ANK2: variants seen among roughly 807,000 people sequenced by gnomAD.
ANK2 encodes the protein ankyrin-2.
A neutral mutation model predicts 360.5 loss-of-function variants in ANK2; 83 were observed. The ratio of observed to expected loss-of-function variants is 0.23; its 90% CI spans 0.19 to 0.28. The LOEUF (loss-of-function observed/expected upper bound fraction) is 0.28, where lower values mean the gene tolerates loss of function less well. ANK2 is among the 10% of genes least tolerant of loss of function. The pLI is 1.00. For missense variants in ANK2, 4,201 were observed against 4,795.7 expected, an observed-to-expected ratio of 0.88 and a Z score of 3.66; for synonymous variants, 1,740 against 1,759.5, an observed-to-expected ratio of 0.99 and a Z score of 0.28.
upstream of ANK2, among the ~76,000 whole-genome samples, chr4:113,045,010 T>A (rs1056411792): frequency 6.6e-6 from 1 of 152,204 alleles, no homozygotes; most frequent in Non-Finnish European, 1.5e-5. Flanking sequence ...TTTAGAGAAC[T>A]GAGATTTTTT....
intron 2 of ANK2, among the ~76,000 whole-genome samples, chr4:112,949,983 C>A (rs1300781897): frequency 6.6e-6 from 1 of 152,096 alleles, no homozygotes; most frequent in Non-Finnish European, 1.5e-5. Flanking sequence ...AGAAGAAATG[C>A]AGTTGATCAA....
intron 2 of ANK2, among the ~76,000 whole-genome samples, chr4:113,021,933 G>T (rs2058277482): frequency 6.6e-6 from 1 of 152,140 alleles, no homozygotes; most frequent in South Asian, 2.1e-4. Flanking sequence ...GAAGCTGGCA[G>T]TCCTAGCATG....
At chr4:113,265,477 TATG>T (rs999899380) in intron 14 of ANK2, among the ~76,000 whole-genome samples, 1 of 152,180 alleles carries the variant, frequency 6.6e-6, no homozygotes, top group Non-Finnish European at 1.5e-5. Context: ...CCCTCCTTTT[TATG>T]ATATTTACTT....
chr4:113,035,211 T>C (rs916577252), intron 2 of ANK2, among the ~76,000 whole-genome samples: 1 of 147,840 alleles, frequency 6.8e-6, no homozygotes, highest in African/African-American at 2.5e-5. Context: ...GGGAAGGGGG[T>C]GTTCTGGATT....
At chr4:113,080,933 T>C (rs2082168898) in intron 1 of ANK2, among the ~76,000 whole-genome samples, 1 of 152,148 alleles carries the variant, frequency 6.6e-6, no homozygotes, top group Admixed American at 6.6e-5. Flanking sequence ...AGGGACAGTA[T>C]AGTAACCTCC....
At chr4:113,186,660 C>T (rs894406615) in intron 2 of ANK2, among the ~76,000 whole-genome samples, 8 of 151,004 alleles carry the variant, frequency 5.3e-5, no homozygotes, top group African/African-American at 2.0e-4. Context: ...TAAACAAATC[C>T]TATGATCTCT....
chr4:112,843,608 C>T (rs1254504252), intron 1 of ANK2, among the ~76,000 whole-genome samples: 8 of 152,016 alleles, frequency 5.3e-5, no homozygotes, highest in African/African-American at 9.7e-5. Context: ...TTCCCAAGTG[C>T]GTTTTTGCAC....
At chr4:113,321,533 C>A (rs1220193997) in intron 26 of ANK2, among the ~76,000 whole-genome samples, 1 of 152,126 alleles carries the variant, frequency 6.6e-6, no homozygotes, top group Non-Finnish European at 1.5e-5. Context: ...TTCTCAGTTT[C>A]CTGGTATTTG....
intron 2 of ANK2, among the ~76,000 whole-genome samples, chr4:112,969,086 A>G (rs1035502116): frequency 2.0e-5 from 3 of 152,202 alleles, no homozygotes; most frequent in African/African-American, 4.8e-5. Flanking sequence ...GTTATTACCT[A>G]TATTCTACTG....
intron 2 of ANK2, among the ~76,000 whole-genome samples, chr4:112,931,337 T>C (rs1448146207): frequency 6.6e-6 from 1 of 152,120 alleles, no homozygotes; most frequent in Non-Finnish European, 1.5e-5. Flanking sequence ...AGCATAAATC[T>C]GTGGTTTTCA....
intron 2 of ANK2, among the ~76,000 whole-genome samples, chr4:113,186,049 T>G (rs1332575449): frequency 6.6e-6 from 1 of 152,214 alleles, no homozygotes; most frequent in Non-Finnish European, 1.5e-5. Context: ...ACTCGAGCTC[T>G]GCTAAGGGAC....
At chr4:113,298,491 A>T (rs2073143786) in intron 22 of ANK2, among the ~76,000 whole-genome samples, 1 of 152,186 alleles carries the variant, frequency 6.6e-6, no homozygotes, top group Non-Finnish European at 1.5e-5. Flanking sequence ...AGTTAAACAC[A>T]CAGTTTCTTT....
chr4:113,195,055 T>C (rs1056922489), intron 2 of ANK2, among the ~76,000 whole-genome samples: 1 of 152,130 alleles, frequency 6.6e-6, no homozygotes, highest in Non-Finnish European at 1.5e-5. Flanking sequence ...TATTCCCTCA[T>C]AAATTTACAT....
intron 2 of ANK2, among the ~76,000 whole-genome samples, chr4:113,042,962 A>G (rs1034041301): frequency 1.3e-5 from 2 of 152,074 alleles, no homozygotes; most frequent in Non-Finnish European, 2.9e-5. Context: ...TTCTGGTTCT[A>G]TGACCATCAC....
intron 1 of ANK2, among the ~76,000 whole-genome samples, chr4:112,876,018 C>T (rs967404333): frequency 6.6e-6 from 1 of 150,628 alleles, no homozygotes; most frequent in Non-Finnish European, 1.5e-5. Flanking sequence ...GCTTCCCAAA[C>T]TGCTGGGATT....
upstream of ANK2, among the ~76,000 whole-genome samples, chr4:112,815,733 A>G: frequency 6.6e-6 from 1 of 152,130 alleles, no homozygotes; most frequent in East Asian, 1.9e-4. Context: ...CTGTAATGGG[A>G]CCTCCATAAA....
intron 2 of ANK2, among the ~76,000 whole-genome samples, chr4:112,915,000 C>T (rs2089243005): frequency 6.6e-6 from 1 of 152,148 alleles, no homozygotes; most frequent in Admixed American, 6.5e-5. Context: ...GGCTGAGTCC[C>T]CATGACTACT....
At chr4:112,937,207 G>A (rs1194530783) in intron 2 of ANK2, among the ~76,000 whole-genome samples, 1 of 152,078 alleles carries the variant, frequency 6.6e-6, no homozygotes, top group African/African-American at 2.4e-5. Flanking sequence ...ATTAGTGATG[G>A]GTGACAAAAA....
intron 1 of ANK2, chr4:113,117,430 A>G: frequency 4.4e-6 from 2 of 456,228 alleles, no homozygotes; most frequent in Non-Finnish European, 8.8e-6. Context: ...TATGAGGAGC[A>G]TCCTTTTAAC....
Sources: gnomAD v4.1 joint callset for allele counts (sites outside exome capture counted in the v4.1 genomes callset) on GRCh38, gnomAD v4.1.1 for gene constraint, MANE v1.5 for transcripts, NCBI Gene and HGNC (gene_info 2026-07-23, HGNC 2026-07-21) for gene names.